The following MCM9 variants were observed in gnomAD, a reference collection of about 807,000 sequenced individuals.
MCM9 encodes the protein DNA helicase MCM9.
A neutral mutation model predicts 72.8 loss-of-function variants in MCM9; 55 were observed. The observed-to-expected ratio is 0.76, with a 90% CI of 0.61 to 0.95. MCM9 has a LOEUF of 0.95. MCM9 is among the 40% of genes least tolerant of loss of function. The probability of loss-of-function intolerance (pLI) is 0.00; values close to 1 mark genes in which losing one functional copy is unlikely to be tolerated. For synonymous variants in MCM9, 480 were observed against 503.4 expected (o/e 0.95, Z 0.62); for missense variants, 1,279 against 1,377.0 (o/e 0.93, Z 1.13).
At chr6:118,893,932 G>GCCACGCCTCCCCGCCGCAA in intron 8 of MCM9, 1 of 838,556 alleles carries the variant, frequency 1.2e-6, no homozygotes, top group Non-Finnish European at 1.4e-6. Context: ...TCCCGCCGCA[G>GCCACGCCTCCCCGCCGCAA]CCACGCCTCC....
chr6:118,875,642 A>T (rs1777886262), intron 8 of MCM9, among the ~76,000 whole-genome samples: 1 of 85,274 alleles, frequency 1.2e-5, no homozygotes, highest in Non-Finnish European at 2.2e-5. Flanking sequence ...TCTCAAAAAA[A>T]TAATAATAAT....
chr6:118,853,724 A>G (rs896091974), intron 9 of MCM9, among the ~76,000 whole-genome samples: 1 of 152,176 alleles, frequency 6.6e-6, no homozygotes, highest in African/African-American at 2.4e-5. Context: ...GCTTGAGCCC[A>G]GGAGTTCAAG....
chr6:118,842,674 C>T (rs1017492034), intron 9 of MCM9, among the ~76,000 whole-genome samples: 2 of 152,130 alleles, frequency 1.3e-5, no homozygotes, highest in Non-Finnish European at 2.9e-5. Flanking sequence ...CATGCATCAC[C>T]ACGCTTTGCT....
chr6:118,869,188 C>T (rs1265378999), intron 8 of MCM9, among the ~76,000 whole-genome samples: 5 of 152,098 alleles, frequency 3.3e-5, no homozygotes, highest in Non-Finnish European at 7.4e-5. Context: ...CATGTTCTCA[C>T]TCATAGGTGG....
chr6:118,894,883 G>T (rs1299705800), intron 8 of MCM9, among the ~76,000 whole-genome samples: 1 of 152,190 alleles, frequency 6.6e-6, no homozygotes, highest in African/African-American at 2.4e-5. Flanking sequence ...CGACCCTCCG[G>T]GCCCGAGCAC....
chr6:118,839,812 C>A (rs1775227012), intron 9 of MCM9, among the ~76,000 whole-genome samples: 1 of 152,164 alleles, frequency 6.6e-6, no homozygotes, highest in Non-Finnish European at 1.5e-5. Context: ...CCCAGAGGGG[C>A]ACCCGCCAGA....
At position 118,815,572 on chromosome 6, in the gene MCM9, C is replaced by T. The variant is rs1773359858; in HGVS notation, c.2684G>A (p.Arg895Lys). 4 of 1,550,370 alleles carry T rather than the reference C, an allele frequency of 2.6e-6. No homozygotes were observed. The African/African-American group carries it at 5.5e-5, about 21-fold the overall frequency. ...TTCCACTTGCGCAAGGGATTTCGGT[C>T]TCTTTCTTTTGGGTGAGTCCAGCAT... is the stretch of plus-strand genomic sequence containing the variant. Reference protein sequence around the residue: ...DRMLDSPKRKRPKSLAQVEEP... With the variant: ...DRMLDSPKRKKPKSLAQVEEP... Residue 895 changes from arginine (R) to lysine (K), a missense_variant, in exon 14 of 14, where the codon AGA (arginine) becomes AAA (lysine). Transcript: ENST00000619706.
chr6:118,853,861 TAAC>T (rs762607528), intron 9 of MCM9, among the ~76,000 whole-genome samples: 24 of 152,198 alleles, frequency 1.6e-4, no homozygotes, highest in Non-Finnish European at 3.2e-4. Context: ...ACTTGCATCT[TAAC>T]AATATTAAGT....
At chr6:118,885,752 C>T (rs1159881478) in intron 8 of MCM9, among the ~76,000 whole-genome samples, 3 of 152,064 alleles carry the variant, frequency 2.0e-5, no homozygotes, top group South Asian at 4.1e-4. Context: ...AAGAATCAAA[C>T]ACCAAATTTT....
intron 6 of MCM9, among the ~76,000 whole-genome samples, chr6:118,915,131 T>G (rs2114285626): frequency 6.6e-6 from 1 of 152,348 alleles, no homozygotes; most frequent in Non-Finnish European, 1.5e-5. Context: ...AAGGTAGGAC[T>G]GGGGTCCCAG....
intron 13 of MCM9, among the ~76,000 whole-genome samples, chr6:118,822,963 T>G (rs1773913781): frequency 6.6e-6 from 1 of 152,112 alleles, no homozygotes; most frequent in African/African-American, 2.4e-5. Context: ...CTCCTCCCCC[T>G]ACAAGCTCGA....
chr6:118,860,277 T>A (rs1184418538), intron 8 of MCM9, among the ~76,000 whole-genome samples: 1 of 151,906 alleles, frequency 6.6e-6, no homozygotes, highest in African/African-American at 2.4e-5. Context: ...AGTTAACAAA[T>A]AGAAATTCTG....
intron 8 of MCM9, among the ~76,000 whole-genome samples, chr6:118,895,412 A>C (rs1779324828): frequency 6.6e-6 from 1 of 152,218 alleles, no homozygotes; most frequent in Admixed American, 6.5e-5. Flanking sequence ...AAGATACTTA[A>C]ATAATTTCCA....
chr6:118,883,033 C>T (rs1219174517), intron 8 of MCM9, among the ~76,000 whole-genome samples: 7 of 144,350 alleles, frequency 4.8e-5, no homozygotes. Context: ...GTGGGCAAAG[C>T]CTTCAAAGTA....
At chr6:118,852,333 G>A (rs1297413278) in intron 9 of MCM9, among the ~76,000 whole-genome samples, 1 of 151,774 alleles carries the variant, frequency 6.6e-6, no homozygotes, top group African/African-American at 2.4e-5. Context: ...ATAAATATGA[G>A]TAGCAAAATA....
rs545063347 is a variant in MCM9 at position 118,828,090 on chromosome 6, C to T, written c.1569G>A (p.Lys523=). The part of the protein sequence containing the change: ...SKSEKLWSME[K]MKTYFCLIRN... ...TTATGAGGCAGAAATAGGTTTTCAT[C>T]TTTTCCATGCTCCAGAGCTTCTCTG... The change falls in exon 11 of 14, where the codon AAG becomes AAA. Residue 523 remains lysine, a synonymous_variant. Transcript: ENST00000619706. 3.9e-6 allele frequency: 6 copies of T among 1,550,530 alleles called. No homozygotes were observed. The East Asian group carries it at 1.2e-4, about 32-fold the overall frequency.
At chr6:118,860,842 T>C (rs1175263412) in intron 8 of MCM9, among the ~76,000 whole-genome samples, 1 of 152,216 alleles carries the variant, frequency 6.6e-6, no homozygotes, top group Non-Finnish European at 1.5e-5. Context: ...GTGCATTATA[T>C]TTGTTGTGCA....
At position 118,917,786 on chromosome 6, in the gene MCM9, C is replaced by G. The variant is rs114177771; in HGVS notation, c.704-25G>C. The G allele has an allele frequency of 4.5e-4, 713 of 1,594,756 alleles. 4 individuals carry two copies. The African/African-American group carries it at 8.6e-3, about 19-fold the overall frequency. Reference sequence around the variant, plus strand: ...CCTAGGAAAAAGCATCAAGTGAGTCCAGCAGTAGCATCCTGCATGCTGAGC... The same window carrying G: ...CCTAGGAAAAAGCATCAAGTGAGTCGAGCAGTAGCATCCTGCATGCTGAGC... On this transcript the variant is annotated intron_variant, in intron 5 of 13. Coordinates refer to ENST00000619706, the MANE Select transcript of MCM9 (RefSeq NM_017696.3).
chr6:118,831,832 A>G (rs1774584723), intron 9 of MCM9, among the ~76,000 whole-genome samples: 1 of 152,204 alleles, frequency 6.6e-6, no homozygotes. Flanking sequence ...CAAGCACTGC[A>G]TTAGGTTTAC....
Sources: gnomAD v4.1 joint callset for allele counts (sites outside exome capture counted in the v4.1 genomes callset) on GRCh38, gnomAD v4.1.1 for gene constraint, MANE v1.5 for transcripts, NCBI Gene and HGNC (gene_info 2026-07-23, HGNC 2026-07-21) for gene names.